Variants in SMC5 observed in about 807,000 individuals in gnomAD.
SMC5 encodes structural maintenance of chromosomes protein 5.
In SMC5, 88 loss-of-function variants were observed where a neutral mutation model predicts 148.3. The ratio of observed to expected loss-of-function variants is 0.59; its 90% CI spans 0.50 to 0.71. The LOEUF is 0.71. Ranked by LOEUF, SMC5 falls within the 30% of genes least tolerant of loss-of-function variation. The pLI, the probability that SMC5 is intolerant of heterozygous loss-of-function variation, is 0.00. For missense variants in SMC5, 1,142 were observed against 1,298.9 expected, an observed-to-expected ratio of 0.88 and a Z score of 1.86; for synonymous variants, 421 against 432.8, an observed-to-expected ratio of 0.97 and a Z score of 0.34.
chr9:70,287,235 G>GT (rs1450267568), intron 8 of SMC5, among the ~76,000 whole-genome samples: 2 of 151,708 alleles, frequency 1.3e-5, no homozygotes, highest in African/African-American at 2.4e-5. Context: ...AGTTTTTAAA[G>GT]TTTTTTTTCC....
At chr9:70,266,482 C>T (rs573215851) in intron 2 of SMC5, among the ~76,000 whole-genome samples, 6 of 152,194 alleles carry the variant, frequency 3.9e-5, no homozygotes, top group East Asian at 1.9e-4. Context: ...TCTTTGTAAT[C>T]GTCTGTTGGA....
intron 3 of SMC5, 70 bp downstream of exon 3, chr9:70,268,045 G>A (rs886096174): frequency 1.7e-6 from 2 of 1,205,206 alleles, no homozygotes; most frequent in Admixed American, 4.1e-5. Context: ...TTTTCCTGAT[G>A]ATTAGAAAAG....
At chr9:70,330,547 T>G (rs1052629189) in intron 17 of SMC5, among the ~76,000 whole-genome samples, 1 of 137,438 alleles carries the variant, frequency 7.3e-6, no homozygotes, top group South Asian at 2.5e-4. Flanking sequence ...CATGTAACTT[T>G]CTTTTTTTTT....
rs59694037 is a variant in SMC5, at chr9:70,309,318, C to CTT, written c.1578+3988_1578+3989dup. Among the ~76,000 whole-genome samples the CTT allele has an allele frequency of 4.3e-3, 341 of 79,124 alleles. 16 individuals are homozygous for CTT. Among genetic ancestry groups the CTT allele is most frequent in the African/African-American group, 0.015 (318 of 21,846 alleles). The allele number at this position is 79,124 out of a possible 152,430, so 51.9% of individuals were successfully genotyped here. On this transcript the variant is annotated intron_variant, in intron 11 of 24. Transcript: ENST00000361138. ...ATAGCAGAATTTCTTTTTCCTTTTC[C>CTT]TTTTTTTTTTTTTTTTTTTTTTTTT...
At chr9:70,321,712 T>C (rs1587690851) in intron 15 of SMC5, among the ~76,000 whole-genome samples, 1 of 152,270 alleles carries the variant, frequency 6.6e-6, no homozygotes, top group East Asian at 1.9e-4. Context: ...AAACTGCTGA[T>C]TTATTGTGAA....
At chr9:70,324,833 A>G (rs1323823538) in intron 17 of SMC5, among the ~76,000 whole-genome samples, 2 of 152,166 alleles carry the variant, frequency 1.3e-5, no homozygotes, top group African/African-American at 4.8e-5. Flanking sequence ...ATTTTATTAT[A>G]AAAGATACAA....
chr9:70,277,612 C>A, intron 4 of SMC5, 140 bp downstream of exon 4: 1 of 600,538 alleles, frequency 1.7e-6, no homozygotes. Context: ...AGCATTTCAT[C>A]ACTTAGAGTA....
At chr9:70,318,764 A>T in intron 14 of SMC5, 30 bp from the exon 15 acceptor site, 1 of 1,549,764 alleles carries the variant, frequency 6.5e-7, no homozygotes, top group Non-Finnish European at 8.7e-7. Context: ...AGTTTTTTAA[A>T]TATGTTAACA....
At chr9:70,340,090 G>A (rs1315064159) in intron 17 of SMC5, among the ~76,000 whole-genome samples, 1 of 152,086 alleles carries the variant, frequency 6.6e-6, no homozygotes, top group Non-Finnish European at 1.5e-5. Context: ...GATGCCTAGT[G>A]TGCTGCTTAG....
At chr9:70,346,712 C>A in intron 19 of SMC5, 63 bp downstream of exon 19, 1 of 1,566,866 alleles carries the variant, frequency 6.4e-7, no homozygotes, top group Non-Finnish European at 8.8e-7. Context: ...TCCTCCCTAG[C>A]CATTTGCTTT....
At position 70,352,234 on chromosome 9, in the gene SMC5, T is replaced by C. The variant is rs767740658; in HGVS notation, c.3209T>C (p.Phe1070Ser). 9.3e-6 allele frequency: 15 copies of C among 1,612,196 alleles called. No homozygotes were observed. Among genetic ancestry groups the C allele is most frequent in the Non-Finnish European group, 1.3e-5 (15 of 1,179,576 alleles). ...TATTCTGAAAAGATGACAGTTTTGT[T>C]TGTCTACAATGGCCCTCATATGCTG... The part of the protein sequence containing the change: ...LPYSEKMTVL[F>S]VYNGPHMLEP... The change falls in exon 25 of 25, where the codon TTT becomes TCT. Residue 1070 changes from phenylalanine (F) to serine (S), a missense_variant. Phe to Ser is a radical substitution (Grantham distance 155). This residue lies in a region of SMC5 where 63 missense variants were observed against 65.7 expected (regional missense o/e 0.96). Coordinates refer to ENST00000361138, the MANE Select transcript of SMC5 (RefSeq NM_015110.4).
At chr9:70,346,717 T>A (rs2036675211) in intron 19 of SMC5, 68 bp downstream of exon 19, 1 of 1,522,598 alleles carries the variant, frequency 6.6e-7, no homozygotes, top group Non-Finnish European at 9.1e-7. Context: ...CCTAGCCATT[T>A]GCTTTAAGGC....
intron 1 of SMC5, among the ~76,000 whole-genome samples, chr9:70,261,562 G>A (rs1176360692): frequency 6.6e-6 from 1 of 152,204 alleles, no homozygotes; most frequent in African/African-American, 2.4e-5. Context: ...TTTCCTTTGT[G>A]GCATCTAAGA....
chr9:70,352,287 T>G lies in SMC5; in HGVS notation c.3262T>G (p.Phe1088Val). 1 of 1,613,602 alleles carries G rather than the reference T, an allele frequency of 6.2e-7. No individual in the cohort carries two copies. Among genetic ancestry groups the G allele is most frequent in the Non-Finnish European group, 8.5e-7 (1 of 1,179,828 alleles). ...ACCAAACACATGGAATTTAAAGGCT[T>G]TCCAAAGGCGGCGGCGCCGTATTAC... ...LEPNTWNLKAFQRRRRRITFT... is the reference protein window; with the variant it reads ...LEPNTWNLKAVQRRRRRITFT... The change falls in exon 25 of 25, where the codon TTC becomes GTC. Residue 1088 changes from phenylalanine (F) to valine (V), a missense_variant. Transcript: ENST00000361138.
intron 15 of SMC5, 79 bp downstream of exon 15, chr9:70,319,042 G>C (rs7025228): frequency 1 from 1,206,596 of 1,211,954 alleles, 600,801 homozygotes; most frequent in East Asian, 1. Context: ...AATAACAACA[G>C]CATTTCCACA....
At chr9:70,293,305 T>A (rs2035112894) in intron 8 of SMC5, among the ~76,000 whole-genome samples, 1 of 152,076 alleles carries the variant, frequency 6.6e-6, no homozygotes, top group Admixed American at 6.6e-5. Context: ...TAACCCTATT[T>A]CATTCCTGAT....
At chr9:70,287,156 A>G (rs187659846) in intron 8 of SMC5, among the ~76,000 whole-genome samples, 1 of 152,298 alleles carries the variant, frequency 6.6e-6, no homozygotes, top group Non-Finnish European at 1.5e-5. Context: ...CTAAGGAAAA[A>G]TCTTGTTTCA....
intron 8 of SMC5, among the ~76,000 whole-genome samples, chr9:70,297,214 A>G (rs1029591155): frequency 1.3e-5 from 2 of 152,248 alleles, no homozygotes; most frequent in Non-Finnish European, 2.9e-5. Flanking sequence ...ATGTAATTTT[A>G]AATGATGTTT....
chr9:70,273,115 A>G (rs1230921508), intron 3 of SMC5, among the ~76,000 whole-genome samples: 1 of 151,166 alleles, frequency 6.6e-6, no homozygotes, highest in East Asian at 1.9e-4. Context: ...TTGTAGTTTG[A>G]ATGTTTGGTT....
Sources: allele counts gnomAD v4.1 joint callset (sites outside exome capture counted in the v4.1 genomes callset), GRCh38; gene constraint gnomAD v4.1.1; regional missense constraint gnomAD v4.1.1; transcripts MANE v1.5; gene names NCBI Gene and HGNC (gene_info 2026-07-23, HGNC 2026-07-21).